The following CHD8 variants were observed in gnomAD, a reference collection of about 807,000 sequenced individuals.
The protein encoded by CHD8 is ATP-dependent chromatin remodeler CHD8.
In CHD8, 31 loss-of-function variants were observed where a neutral mutation model predicts 279.2. The observed-to-expected ratio is 0.11, with a 90% CI of 0.08 to 0.15. The LOEUF is 0.15. CHD8 is among the 10% of genes least tolerant of loss of function. CHD8 has a pLI of 1.00. For missense variants in CHD8, 2,146 were observed against 3,230.5 expected (o/e 0.66, Z 8.14); for synonymous variants, 1,081 against 1,139.6 (o/e 0.95, Z 1.04).
intron 1 of CHD8, among the ~76,000 whole-genome samples, chr14:21,436,670 G>A (rs1312985957): frequency 1.3e-5 from 2 of 152,148 alleles, no homozygotes; most frequent in Admixed American, 6.5e-5. Flanking sequence ...TCAATCAAGG[G>A]TATGGTCATT....
In CHD8 at chr14:21,408,691, T is replaced by C; in HGVS notation, c.2486+13A>G. 1 of 1,608,046 alleles carries C rather than the reference T, an allele frequency of 6.2e-7. No homozygotes were observed. Among genetic ancestry groups the C allele is most frequent in the Non-Finnish European group, 8.5e-7 (1 of 1,177,190 alleles). ...AACTAAGCTTACATCTTATGGCCCATTCTTTCCTTTACCTGTTATACCAAT... is the reference window on the plus strand; with the variant it reads ...AACTAAGCTTACATCTTATGGCCCACTCTTTCCTTTACCTGTTATACCAAT... On this transcript the variant is annotated intron_variant, in intron 12 of 37. Coordinates refer to ENST00000646647, the MANE Select transcript of CHD8 (RefSeq NM_001170629.2). The surrounding 1 kb of genome is among the most constrained non-coding windows in gnomAD (Gnocchi z 4.3).
chr14:21,391,388 A>AT, intron 36 of CHD8, 75 bp downstream of exon 36: 1 of 1,385,182 alleles, frequency 7.2e-7, no homozygotes, highest in East Asian at 2.3e-5. Context: ...ACAGTATGTC[A>AT]TGCTTTCTCT....
intron 37 of CHD8, among the ~76,000 whole-genome samples, chr14:21,390,067 C>A (rs1887457460): frequency 6.6e-6 from 1 of 151,796 alleles, no homozygotes; most frequent in Admixed American, 6.6e-5. Context: ...AAACCTCGTC[C>A]CTACTAAAAA....
chr14:21,412,782 C>A, intron 10 of CHD8, 131 bp downstream of exon 10: 1 of 659,380 alleles, frequency 1.5e-6, no homozygotes. Flanking sequence ...CAAAGGATTC[C>A]ACAGAAAAAT....
intron 33 of CHD8, 68 bp from the exon 34 acceptor site, chr14:21,392,877 C>T: frequency 6.8e-7 from 1 of 1,472,082 alleles, no homozygotes; most frequent in Non-Finnish European, 9.4e-7. Context: ...CTGTGATACT[C>T]AATAGTGCCA....
At chr14:21,417,935 T>C (rs1888817529) in intron 5 of CHD8, among the ~76,000 whole-genome samples, 1 of 148,132 alleles carries the variant, frequency 6.8e-6, no homozygotes, top group Admixed American at 6.8e-5. Flanking sequence ...AAGAATGGGG[T>C]AGATTTATAA....
chr14:21,391,691 AGGGAGGGAGG>A, intron 35 of CHD8, 49 bp from the exon 36 acceptor site: 2 of 500,730 alleles, frequency 4.0e-6, no homozygotes, highest in South Asian at 1.7e-5. Context: ...TCTTTGGGGG[AGGGAGGGAGG>A]GGGAGCAGGG....
chr14:21,386,875 A>G (rs540349895), intron 37 of CHD8, among the ~76,000 whole-genome samples: 1 of 152,198 alleles, frequency 6.6e-6, no homozygotes, highest in South Asian at 2.1e-4. Flanking sequence ...CCTGATGGCA[A>G]GTTGTTCACT....
chr14:21,397,359 C>A (rs377056785), intron 27 of CHD8: 60 of 518,776 alleles, frequency 1.2e-4, no homozygotes, highest in African/African-American at 1.1e-3. Context: ...CAACACTGCC[C>A]TACCTGGTGG....
At chr14:21,443,580 C>T (rs919588370) in intron 1 of CHD8, among the ~76,000 whole-genome samples, 2 of 151,728 alleles carry the variant, frequency 1.3e-5, no homozygotes, top group Admixed American at 6.6e-5. Flanking sequence ...TAGGACTGGG[C>T]GCTGTGGCTC....
At chr14:21,441,857 C>A (rs1474425889) in intron 1 of CHD8, among the ~76,000 whole-genome samples, 3 of 151,832 alleles carry the variant, frequency 2.0e-5, no homozygotes, top group Non-Finnish European at 4.4e-5. Flanking sequence ...CCACTGCACT[C>A]CAGCCTGGGT....
At chr14:21,387,005 A>C (rs1393739697) in intron 37 of CHD8, among the ~76,000 whole-genome samples, 2 of 152,242 alleles carry the variant, frequency 1.3e-5, no homozygotes, top group East Asian at 3.8e-4. Flanking sequence ...AAAAACTGTC[A>C]GAAACTCCTC....
At chr14:21,450,328 T>C (rs939561162) in intron 1 of CHD8, among the ~76,000 whole-genome samples, 1 of 152,138 alleles carries the variant, frequency 6.6e-6, no homozygotes, top group Non-Finnish European at 1.5e-5. Context: ...GAAATTCCCA[T>C]ATCACTAATA....
intron 5 of CHD8, among the ~76,000 whole-genome samples, chr14:21,422,763 A>G (rs761034094): frequency 4.6e-5 from 7 of 151,288 alleles, no homozygotes; most frequent in Non-Finnish European, 8.8e-5. Flanking sequence ...CCCTGTCTCT[A>G]TTAAAACATA....
At chr14:21,417,851 CA>C (rs59449804) in intron 5 of CHD8, among the ~76,000 whole-genome samples, 15,062 of 115,614 alleles carry the variant, frequency 0.13, 1,109 homozygotes, top group Non-Finnish European at 0.19. Context: ...GAGACTCTCT[CA>C]AAAAAAAAAA....
rs2139475833 is a variant in CHD8, at chr14:21,405,699, C to A, written c.3051+22G>T. The A allele has an allele frequency of 3.1e-6, 5 of 1,612,462 alleles. No homozygotes were observed. The highest frequency in any genetic ancestry group is 4.2e-6 in the Non-Finnish European group (5 of 1,179,000). On this transcript the variant is annotated intron_variant, in intron 15 of 37. Transcript: ENST00000646647. The surrounding 1 kb of genome is among the most constrained non-coding windows in gnomAD (Gnocchi z 4.2). The stretch of plus-strand genomic sequence containing the variant: ...TCACCTTCTTTGTCCTGAGTTAGTA[C>A]CTCATCAGATAGATTTCCTACCTGT...
chr14:21,397,506 G>C (rs1187246775), intron 27 of CHD8: 2 of 386,736 alleles, frequency 5.2e-6, no homozygotes, highest in African/African-American at 2.1e-5. Flanking sequence ...CAACGTATGA[G>C]AGCTGCTGGC....
chr14:21,413,532 T>C (rs1888595139), intron 9 of CHD8, among the ~76,000 whole-genome samples: 2 of 151,844 alleles, frequency 1.3e-5, no homozygotes, highest in South Asian at 4.2e-4. Context: ...GTAGCTGGGA[T>C]TACAGGTGCC....
rs1378690257 is a variant in CHD8, at chr14:21,391,294, TTTTGGGCATCACAACAATTG to T, written c.7065+149_7065+168del. On this transcript the variant is annotated intron_variant, in intron 36 of 37. Transcript: ENST00000646647. ...CTTAAAGTACTTCAACATTATTTTATTTTGGGCATCACAACAATTGTGAGGTTGGAAGACTGGGTATTATT... is the reference window on the plus strand; with the variant it reads ...CTTAAAGTACTTCAACATTATTTTATTGAGGTTGGAAGACTGGGTATTATT... 2.0e-5 allele frequency among the ~76,000 whole-genome samples: 3 copies of T among 152,322 alleles called. No individual in the cohort carries two copies. The East Asian group carries it at 5.8e-4, about 29-fold the overall frequency.
Sources: gnomAD v4.1 joint callset for allele counts (sites outside exome capture counted in the v4.1 genomes callset) on GRCh38, gnomAD v4.1.1 for gene constraint, Gnocchi (gnomAD v3.1) non-coding constraint, MANE v1.5 for transcripts, NCBI Gene and HGNC (gene_info 2026-07-23, HGNC 2026-07-21) for gene names.